The following DMXL1 variants were observed in gnomAD, a reference collection of about 807,000 sequenced individuals.
DMXL1 encodes the protein Dmx like 1.
A neutral mutation model predicts 319.2 loss-of-function variants in DMXL1; 99 were observed. The ratio of observed to expected loss-of-function variants is 0.31; its 90% confidence interval spans 0.26 to 0.37. The LOEUF (loss-of-function observed/expected upper bound fraction) is 0.37. Ranked by LOEUF, DMXL1 falls within the 10% of genes least tolerant of loss-of-function variation. The probability of loss-of-function intolerance (pLI) is 1.00; values close to 1 mark genes in which losing one functional copy is unlikely to be tolerated. For missense variants in DMXL1, 3,745 were observed against 3,595.6 expected, an observed-to-expected ratio of 1.04 and a Z score of -1.06; for synonymous variants, 1,385 against 1,235.2, an observed-to-expected ratio of 1.12 and a Z score of -2.54.
At chr5:119,138,436 C>G (rs1253299218) in intron 13 of DMXL1, among the ~76,000 whole-genome samples, 3 of 152,124 alleles carry the variant, frequency 2.0e-5, no homozygotes, top group Admixed American at 6.5e-5. Context: ...AGGTTAGTAT[C>G]TGGAGTTCAG....
chr5:119,159,132 A>C (rs946073946), intron 19 of DMXL1, among the ~76,000 whole-genome samples: 3 of 147,646 alleles, frequency 2.0e-5, no homozygotes, highest in African/African-American at 7.6e-5. Context: ...TTGATGGGAG[A>C]CTTTTTTTTT....
intron 1 of DMXL1, among the ~76,000 whole-genome samples, chr5:119,072,880 C>T (rs1749947149): frequency 6.6e-6 from 1 of 152,142 alleles, no homozygotes; most frequent in African/African-American, 2.4e-5. Context: ...CTGAGGGTCC[C>T]AGTGAGCAAC....
At chr5:119,198,024 T>A (rs1779967479) in intron 32 of DMXL1, 68 bp downstream of exon 32, 1 of 1,495,330 alleles carries the variant, frequency 6.7e-7, no homozygotes, top group African/African-American at 1.4e-5. Flanking sequence ...TGTCTCGCTC[T>A]GTCATCCGGG....
At chr5:119,092,100 T>C (rs1754927181) in intron 1 of DMXL1, among the ~76,000 whole-genome samples, 2 of 152,080 alleles carry the variant, frequency 1.3e-5, no homozygotes, top group Non-Finnish European at 2.9e-5. Flanking sequence ...CTGGGCAGAA[T>C]TGGGGGAGGG....
chr5:119,179,990 C>T (rs370009336), intron 28 of DMXL1, among the ~76,000 whole-genome samples: 1 of 152,034 alleles, frequency 6.6e-6, no homozygotes, highest in East Asian at 1.9e-4. Flanking sequence ...TTAGTTCTGC[C>T]CTTGTAGCAC....
At chr5:119,214,933 T>C (rs1783417827) in intron 34 of DMXL1, among the ~76,000 whole-genome samples, 1 of 152,200 alleles carries the variant, frequency 6.6e-6, no homozygotes. Flanking sequence ...CATGGAGCCA[T>C]CATCTTTCTC....
At chr5:119,083,131 C>T (rs1024371089) in intron 1 of DMXL1, among the ~76,000 whole-genome samples, 4 of 152,106 alleles carry the variant, frequency 2.6e-5, no homozygotes, top group Admixed American at 2.6e-4. Context: ...GTGCCTCAGC[C>T]TCCCCAGTAG....
At chr5:119,072,238 A>G (rs985079961) in intron 1 of DMXL1, among the ~76,000 whole-genome samples, 10 of 152,216 alleles carry the variant, frequency 6.6e-5, no homozygotes, top group Admixed American at 3.3e-4. Flanking sequence ...TTTTACAATA[A>G]CCTGGTAATC....
intron 9 of DMXL1, among the ~76,000 whole-genome samples, chr5:119,122,343 C>T (rs1203603003): frequency 1.1e-4 from 16 of 146,332 alleles, no homozygotes; most frequent in Non-Finnish European, 1.7e-4. Flanking sequence ...CCGGAGGGGG[C>T]GGCTGGCCGG....
intron 9 of DMXL1, chr5:119,126,656 A>G (rs947059923): frequency 3.3e-5 from 5 of 152,460 alleles, no homozygotes; most frequent in African/African-American, 1.2e-4. Flanking sequence ...ATCCATCATT[A>G]TAGACAAAAC....
At chr5:119,171,474 G>A (rs1267011219) in intron 24 of DMXL1, among the ~76,000 whole-genome samples, 194 bp downstream of exon 24, 2 of 152,016 alleles carry the variant, frequency 1.3e-5, no homozygotes, top group Non-Finnish European at 2.9e-5. Context: ...TTCAGTATCA[G>A]GCCTTATGAC....
At chr5:119,214,462 A>G (rs2135054) in intron 34 of DMXL1, among the ~76,000 whole-genome samples, 4,229 of 152,196 alleles carry the variant, frequency 0.028, 182 homozygotes, top group African/African-American at 0.096. Context: ...AAATCCACCA[A>G]TGGTTTCGCT....
chr5:119,219,653 G>A (rs1312942157), intron 35 of DMXL1, among the ~76,000 whole-genome samples: 1 of 151,834 alleles, frequency 6.6e-6, no homozygotes, highest in Non-Finnish European at 1.5e-5. Flanking sequence ...CTGCAGCCTC[G>A]ACCTCCTGGG....
At chr5:119,082,757 A>G (rs993208694) in intron 1 of DMXL1, among the ~76,000 whole-genome samples, 1 of 152,240 alleles carries the variant, frequency 6.6e-6, no homozygotes, top group Non-Finnish European at 1.5e-5. Context: ...TGAAATATAC[A>G]ATAGATTATT....
chr5:119,134,412 G>A, intron 13 of DMXL1, 23 bp downstream of exon 13: 3 of 1,574,100 alleles, frequency 1.9e-6, no homozygotes, highest in Non-Finnish European at 2.6e-6. Flanking sequence ...TTTTAAAACA[G>A]CTTAAGTATA....
chr5:119,130,597 C>T (rs1764654779), intron 10 of DMXL1, among the ~76,000 whole-genome samples: 1 of 152,154 alleles, frequency 6.6e-6, no homozygotes, highest in Admixed American at 6.5e-5. Context: ...TCCACCTGGG[C>T]CTCCCAAAGT....
intron 8 of DMXL1, 147 bp downstream of exon 8, chr5:119,119,151 AT>A: frequency 1.9e-6 from 1 of 518,660 alleles, no homozygotes; most frequent in Non-Finnish European, 3.2e-6. Flanking sequence ...CAAAAAACAT[AT>A]TTTTATCTAG....
chr5:119,139,491 C>G (rs1301932048), intron 13 of DMXL1, among the ~76,000 whole-genome samples: 1 of 152,116 alleles, frequency 6.6e-6, no homozygotes, highest in Non-Finnish European at 1.5e-5. Context: ...TCAGACAAAG[C>G]AGACTCTGAA....
At chr5:119,095,784 C>A (rs1755812830) in intron 1 of DMXL1, among the ~76,000 whole-genome samples, 1 of 152,200 alleles carries the variant, frequency 6.6e-6, no homozygotes, top group Non-Finnish European at 1.5e-5. Context: ...GGTCTTATGA[C>A]AAGCCTTATG....
Sources: allele counts gnomAD v4.1 joint callset (sites outside exome capture counted in the v4.1 genomes callset), GRCh38; gene constraint gnomAD v4.1.1; transcripts MANE v1.5; gene names NCBI Gene and HGNC (gene_info 2026-07-23, HGNC 2026-07-21).